Variants in GSTA1 observed in about 807,000 individuals in gnomAD.
GSTA1 encodes the protein glutathione S-transferase A1.
In GSTA1, 23 loss-of-function variants were observed where a neutral mutation model predicts 21.5. The ratio of observed to expected loss-of-function variants is 1.07; its 90% CI spans 0.77 to 1.52. The LOEUF is 1.52. GSTA1 is among the 40% of genes most tolerant of loss of function. The pLI is 0.00. For synonymous variants in GSTA1, 125 were observed against 90.0 expected, an observed-to-expected ratio of 1.39 and a Z score of -2.20; for missense variants, 301 against 264.2, an observed-to-expected ratio of 1.14 and a Z score of -0.96.
chr6:52,800,433 T>C (rs1466663727), intron 1 of GSTA1, among the ~76,000 whole-genome samples: 1 of 152,210 alleles, frequency 6.6e-6, no homozygotes, highest in African/African-American at 2.4e-5. Context: ...GAATAGAAAA[T>C]GTCAGTGAGC....
At chr6:52,802,265 G>T (rs1205138147) in intron 1 of GSTA1, among the ~76,000 whole-genome samples, 1 of 152,132 alleles carries the variant, frequency 6.6e-6, no homozygotes, top group South Asian at 2.1e-4. Context: ...GTAAATTAAA[G>T]GAGTTACATT....
chr6:52,797,436 A>C, intron 3 of GSTA1, 150 bp downstream of exon 3: 1 of 556,156 alleles, frequency 1.8e-6, no homozygotes, highest in Non-Finnish European at 3.3e-6. Context: ...TTGCTCAAGG[A>C]GCCACATCCC....
chr6:52,791,578 A>G lies in GSTA1; in HGVS notation c.*280T>C. 1 of 340,418 alleles carries G rather than the reference A, an allele frequency of 2.9e-6. No homozygotes were observed. 21.1% of individuals were successfully genotyped at this position (340,418 alleles called of 1,614,324 possible). On this transcript the variant is annotated 3_prime_UTR_variant, in exon 7 of 7. Transcript: ENST00000334575. ...GGACAATTCTTGGAAAAGTCAAACA[A>G]ACCACATAATCTATAGTTTCCTTTT...
intron 4 of GSTA1, 83 bp from the exon 5 acceptor site, chr6:52,794,349 T>C: frequency 7.1e-7 from 1 of 1,407,420 alleles, no homozygotes; most frequent in Non-Finnish European, 9.7e-7. Flanking sequence ...GAGTAGAGTA[T>C]CAGGTGATGG....
chr6:52,791,689 C>T lies in GSTA1; in HGVS notation c.*169G>A. Reference sequence around the variant, plus strand: ...ACATCAGATCCTAATGAAAACAAATCAATTTTAACTAAGTCAGCGAATAGG... The same window carrying T: ...ACATCAGATCCTAATGAAAACAAATTAATTTTAACTAAGTCAGCGAATAGG... On this transcript the variant is annotated 3_prime_UTR_variant, in exon 7 of 7. Transcript: ENST00000334575. 1 of 753,834 alleles carries T rather than the reference C, an allele frequency of 1.3e-6. No homozygotes were observed. The highest frequency in any genetic ancestry group is 2.2e-5 in the South Asian group (1 of 46,506). The allele number at this position is 753,834 out of a possible 1,614,324, so 46.7% of individuals were successfully genotyped here. A position where few individuals can be genotyped will look rare whatever the true frequency, so the allele number is the denominator to read the frequency against.
intron 1 of GSTA1, among the ~76,000 whole-genome samples, chr6:52,799,698 T>C (rs990298218): frequency 2.0e-5 from 3 of 152,234 alleles, no homozygotes; most frequent in African/African-American, 4.8e-5. Flanking sequence ...CGTGAAATGA[T>C]TGTTATCTCA....
intron 2 of GSTA1, among the ~76,000 whole-genome samples, 198 bp from the exon 3 acceptor site, chr6:52,797,835 C>T (rs182852430): frequency 1.3e-5 from 2 of 152,272 alleles, no homozygotes; most frequent in Admixed American, 6.5e-5. Flanking sequence ...CAGCACATAG[C>T]TGCTAAATCT....
Position 52,791,537 on chromosome 6 carries a change from C to G in GSTA1, c.*321G>C. 1 of 265,856 alleles carries G rather than the reference C, an allele frequency of 3.8e-6. No individual in the cohort carries two copies. 16.5% of individuals were successfully genotyped at this position (265,856 alleles called of 1,614,324 possible). On this transcript the variant is annotated 3_prime_UTR_variant, in exon 7 of 7. Transcript: ENST00000334575. ...ATTGACATTTTAATAGATTGTATGA[C>G]AAATTGTATGTTACGGGACAATTCT... is the stretch of plus-strand genomic sequence containing the variant.
At chr6:52,793,930 A>T (rs1161116423) in intron 5 of GSTA1, among the ~76,000 whole-genome samples, 195 bp downstream of exon 5, 1 of 152,206 alleles carries the variant, frequency 6.6e-6, no homozygotes, top group African/African-American at 2.4e-5. Context: ...TTACTGGAAA[A>T]GTATAGCTTG....
intron 5 of GSTA1, among the ~76,000 whole-genome samples, chr6:52,793,335 A>T (rs1313164214): frequency 6.6e-6 from 1 of 152,106 alleles, no homozygotes; most frequent in Non-Finnish European, 1.5e-5. Flanking sequence ...CCTCACATTC[A>T]GGATGTGGCT....
chr6:52,796,543 A>ATATATTTTTTTTTTTTTT (rs1300549721), intron 3 of GSTA1, among the ~76,000 whole-genome samples: 4 of 23,760 alleles, frequency 1.7e-4, no homozygotes, highest in South Asian at 1.6e-3. Flanking sequence ...ATATATATAT[A>ATATATTTTTTTTTTTTTT]TTTTTTTTTT....
intron 1 of GSTA1, among the ~76,000 whole-genome samples, chr6:52,802,196 T>G (rs1246849379): frequency 6.6e-6 from 1 of 152,114 alleles, no homozygotes; most frequent in Non-Finnish European, 1.5e-5. Context: ...ATAATTAACT[T>G]ACATCAATTA....
intron 3 of GSTA1, among the ~76,000 whole-genome samples, chr6:52,796,527 G>GTATA (rs1414102470): frequency 1.8e-4 from 11 of 59,622 alleles, no homozygotes; most frequent in Middle Eastern, 8.3e-3. Context: ...GTGTGTGTGT[G>GTATA]TGTATATATA....
intron 6 of GSTA1, among the ~76,000 whole-genome samples, chr6:52,792,458 C>A (rs538634777): frequency 3.9e-5 from 6 of 152,052 alleles, no homozygotes; most frequent in Non-Finnish European, 8.8e-5. Flanking sequence ...AACACAATGT[C>A]AGACAGCAGG....
In GSTA1 at chr6:52,799,904, G is replaced by GCGA. The variant is rs528419308; in HGVS notation, c.-30-608_-30-607insTCG. Among the ~76,000 whole-genome samples the GCGA allele has an allele frequency of 5.4e-3, 823 of 152,276 alleles. 5 individuals carry two copies. Among genetic ancestry groups the GCGA allele is most frequent in the Non-Finnish European group, 8.5e-3 (579 of 68,020 alleles). On this transcript the variant is annotated intron_variant, in intron 1 of 6. Transcript: ENST00000334575. ...CACTGACAGGGAGGACCGGCAGGGA[G>GCGA]CTAAGTCACTCTTCACCTCTTTGAC...
At chr6:52,796,870 T>C (rs1763603604) in intron 3 of GSTA1, among the ~76,000 whole-genome samples, 1 of 151,770 alleles carries the variant, frequency 6.6e-6, no homozygotes. Context: ...CTTCCTGTAG[T>C]TCTTCTTTTT....
chr6:52,800,206 C>T lies in GSTA1; in HGVS notation c.-30-909G>A, dbSNP rs138490746. 6.1e-3 allele frequency among the ~76,000 whole-genome samples: 933 copies of T among 152,294 alleles called. 2 individuals are homozygous for T. Among genetic ancestry groups the T allele is most frequent in the South Asian group, 9.1e-3 (44 of 4,830 alleles). On this transcript the variant is annotated intron_variant, in intron 1 of 6. Transcript: ENST00000334575. ...TCTTCGTTTTATCCTACAAAAATCA[C>T]CTAAGATGAATGCAGTTGTTATTCT...
In GSTA1 at chr6:52,800,009, A is replaced by G. The variant is rs185439780; in HGVS notation, c.-30-712T>C. 1.6e-3 allele frequency among the ~76,000 whole-genome samples: 248 copies of G among 152,352 alleles called. 1 individual carries two copies. The highest frequency in any genetic ancestry group is 2.9e-3 in the Non-Finnish European group (197 of 68,038). ...TAGCTAGAAGATCCAAAATCTATCA[A>G]CAGACAGAGATTGTTAATCCCTGCA... On this transcript the variant is annotated intron_variant, in intron 1 of 6. Coordinates refer to ENST00000334575, the MANE Select transcript of GSTA1 (RefSeq NM_145740.5).
Position 52,799,253 on chromosome 6 carries a change from G to A in GSTA1, c.15C>T (p.Pro5=), listed in dbSNP as rs75442307. The change falls in exon 2 of 7, where the codon CCC becomes CCT. Residue 5 remains proline, a synonymous_variant. Coordinates refer to ENST00000334575, the MANE Select transcript of GSTA1 (RefSeq NM_145740.5). The part of the protein sequence containing the change: MAEK[P]KLHYFNARGR... The stretch of plus-strand genomic sequence containing the variant: ...CCCGTGCATTGAAGTAGTGGAGCTT[G>A]GGCTTCTCTGCCATGATAGCAGTCT... 1.1e-3 allele frequency: 1,816 copies of A among 1,613,698 alleles called. 25 individuals carry two copies. In the East Asian group the frequency reaches 0.026, roughly 23 times the overall value.
Sources: gnomAD v4.1 joint callset for allele counts (sites outside exome capture counted in the v4.1 genomes callset) on GRCh38, gnomAD v4.1.1 for gene constraint, MANE v1.5 for transcripts, NCBI Gene and HGNC (gene_info 2026-07-23, HGNC 2026-07-21) for gene names.